SPARC: variants seen among roughly 807,000 people sequenced by gnomAD.
SPARC encodes the protein secreted protein acidic and cysteine rich.
In SPARC, 23 loss-of-function variants were observed where a neutral mutation model predicts 37.7. The ratio of observed to expected loss-of-function variants is 0.61; its 90% CI spans 0.44 to 0.87. The LOEUF (loss-of-function observed/expected upper bound fraction) is 0.87, where lower values mean the gene tolerates loss of function less well. SPARC is among the 40% of genes least tolerant of loss of function. The pLI is 0.00. For missense variants in SPARC, 312 were observed against 389.0 expected (o/e 0.80, Z 1.66); for synonymous variants, 155 against 150.8 (o/e 1.03, Z -0.20).
At chr5:151,685,096 T>C (rs1021719973) in intron 1 of SPARC, 4 of 151,974 alleles carry the variant, frequency 2.6e-5, no homozygotes, top group African/African-American at 9.7e-5. Context: ...GGAGAGTGAG[T>C]CAGGCAGAGA....
intron 3 of SPARC, 101 bp from the exon 4 acceptor site, chr5:151,673,317 G>T: frequency 1.2e-6 from 1 of 828,832 alleles, no homozygotes; most frequent in Non-Finnish European, 2.1e-6. Context: ...CAAACGCAGG[G>T]TTGGGAATCC....
At chr5:151,674,543 C>T (rs548256689) in intron 3 of SPARC, 69 bp downstream of exon 3, 14 of 1,430,696 alleles carry the variant, frequency 9.8e-6, no homozygotes, top group East Asian at 6.8e-5. Flanking sequence ...CCACAGCATC[C>T]GCCCTAATTT....
At chr5:151,676,064 G>T in intron 2 of SPARC, 68 bp downstream of exon 2, 1 of 1,318,364 alleles carries the variant, frequency 7.6e-7, no homozygotes, top group Non-Finnish European at 1.1e-6. Context: ...TCCAGGGCTG[G>T]CAGGCTCAGA....
chr5:151,668,847 G>A (rs960942143), intron 6 of SPARC, among the ~76,000 whole-genome samples: 4 of 151,966 alleles, frequency 2.6e-5, no homozygotes, highest in East Asian at 1.9e-4. Context: ...GGGGTCCCAC[G>A]AGGAGAACTT....
chr5:151,663,406 C>G lies in SPARC; in HGVS notation c.*165G>C, dbSNP rs1009389856. 5 of 681,934 alleles carry G rather than the reference C, an allele frequency of 7.3e-6. No individual in the cohort carries two copies. Among genetic ancestry groups the G allele is most frequent in the Non-Finnish European group, 1.0e-5 (4 of 387,218 alleles). 42.2% of individuals were successfully genotyped at this position (681,934 alleles called of 1,614,324 possible). A position where few individuals can be genotyped will look rare whatever the true frequency, so the allele number is the denominator to read the frequency against. On this transcript the variant is annotated 3_prime_UTR_variant, in exon 10 of 10. Transcript: ENST00000231061. ...TAAGTTACAGCTAAGAATGTCATGT[C>G]TTGGGTTAGAATTTTCATTTTTAGC...
At chr5:151,680,491 C>T (rs1760964362) in intron 1 of SPARC, among the ~76,000 whole-genome samples, 1 of 152,136 alleles carries the variant, frequency 6.6e-6, no homozygotes. Context: ...CCGCCTCAGC[C>T]TCCCAAAGAG....
At position 151,674,767 on chromosome 5, in the gene SPARC, G is replaced by A; in HGVS notation, c.58-93C>T. On this transcript the variant is annotated intron_variant, in intron 2 of 9. Transcript: ENST00000231061. Reference sequence around the variant, plus strand: ...GTGGCCTCGGATACAGGCTAGGGGAGCTTGGAGAGCAGCTTACTGGAGATC... The same window carrying A: ...GTGGCCTCGGATACAGGCTAGGGGAACTTGGAGAGCAGCTTACTGGAGATC... 5 of 1,220,126 alleles carry A rather than the reference G, an allele frequency of 4.1e-6. No homozygotes were observed. The East Asian group carries it at 9.3e-5, about 23-fold the overall frequency. The allele number at this position is 1,220,126 out of a possible 1,614,324, so 75.6% of individuals were successfully genotyped here. A position where few individuals can be genotyped will look rare whatever the true frequency, so the allele number is the denominator to read the frequency against.
At chr5:151,674,522 A>G (rs1760814821) in intron 3 of SPARC, 90 bp downstream of exon 3, 1 of 1,186,380 alleles carries the variant, frequency 8.4e-7, no homozygotes, top group Non-Finnish European at 1.3e-6. Flanking sequence ...GCCCCACTCT[A>G]GCATTGAGAC....
chr5:151,681,010 T>C (rs1240776097), intron 1 of SPARC, among the ~76,000 whole-genome samples: 3 of 152,114 alleles, frequency 2.0e-5, no homozygotes, highest in Non-Finnish European at 4.4e-5. Flanking sequence ...GAGGATACAG[T>C]GACGAAGACC....
Position 151,672,986 on chromosome 5 carries a change from C to T in SPARC, c.208+143G>A, listed in dbSNP as rs1864965. The T allele has an allele frequency of 9.2e-3, 6,295 of 684,196 alleles. 81 individuals are homozygous for T. Among genetic ancestry groups the T allele is most frequent in the South Asian group, 0.023 (1,416 of 61,084 alleles). The allele number at this position is 684,196 out of a possible 1,614,324, so 42.4% of individuals were successfully genotyped here. On this transcript the variant is annotated intron_variant, in intron 4 of 9. Transcript: ENST00000231061. ...TGCCACAGTTTCCCACTTGTTAAGT[C>T]AAAGCCGTGTTTCCTTCATAGCCCA...
chr5:151,675,838 C>T (rs1760843625), intron 2 of SPARC, among the ~76,000 whole-genome samples: 1 of 152,164 alleles, frequency 6.6e-6, no homozygotes. Context: ...TTGAATTCCT[C>T]ATATGACAAA....
Position 151,663,482 on chromosome 5 carries a change from A to C in SPARC, c.*89T>G. The C allele has an allele frequency of 7.6e-7, 1 of 1,312,104 alleles. No homozygotes were observed. The highest frequency in any genetic ancestry group is 1.2e-5 in the South Asian group (1 of 83,000). 81.3% of individuals were successfully genotyped at this position (1,312,104 alleles called of 1,614,324 possible). The stretch of plus-strand genomic sequence containing the variant: ...ATGTTAGCACCTTGTCTCCAGGCAG[A>C]ACAACAAACCATCCAAACATTTTAA... On this transcript the variant is annotated 3_prime_UTR_variant, in exon 10 of 10. Transcript: ENST00000231061.
intron 3 of SPARC, 58 bp from the exon 4 acceptor site, chr5:151,673,274 G>GCTACCCTTATGGGTCT: frequency 8.2e-7 from 1 of 1,217,932 alleles, no homozygotes; most frequent in Non-Finnish European, 1.2e-6. Flanking sequence ...AGACCCATAA[G>GCTACCCTTATGGGTCT]GGTAGCTGAA....
intron 5 of SPARC, among the ~76,000 whole-genome samples, chr5:151,670,679 G>T (rs1241715352): frequency 2.0e-5 from 3 of 152,212 alleles, no homozygotes; most frequent in Non-Finnish European, 4.4e-5. Context: ...GGCTGGACAT[G>T]CAGTGGCCGT....
At chr5:151,683,997 ACT>A (rs1761070094) in intron 1 of SPARC, among the ~76,000 whole-genome samples, 1 of 152,124 alleles carries the variant, frequency 6.6e-6, no homozygotes, top group African/African-American at 2.4e-5. Flanking sequence ...CAAATATTCT[ACT>A]GTTTACCTCA....
Position 151,667,518 on chromosome 5 carries a change from C to G in SPARC, c.534G>C (p.Leu178=), listed in dbSNP as rs369501918. ...RDWLKNVLVT[L]YERDEDNNLL... ...GGTTGTTGTCCTCATCCCTCTCATA[C>G]AGGGTGACCAGGACGTTCTTGAGCC... The change falls in exon 7 of 10, where the codon CTG becomes CTC. Residue 178 remains leucine, a synonymous_variant. Coordinates refer to ENST00000231061, the MANE Select transcript of SPARC (RefSeq NM_003118.4). 5.6e-6 allele frequency: 9 copies of G among 1,614,208 alleles called. No homozygotes were observed. The highest frequency in any genetic ancestry group is 1.1e-5 in the South Asian group (1 of 91,084).
intron 1 of SPARC, 86 bp from the exon 2 acceptor site, chr5:151,676,287 A>G (rs1417530907): frequency 1.1e-6 from 1 of 893,238 alleles, no homozygotes; most frequent in African/African-American, 1.7e-5. Flanking sequence ...GTGCAAGATA[A>G]TGTTAGATGG....
chr5:151,666,347 G>T lies in SPARC; in HGVS notation c.734+14C>A. The T allele has an allele frequency of 6.2e-7, 1 of 1,612,814 alleles. No individual in the cohort carries two copies. Among genetic ancestry groups the T allele is most frequent in the Non-Finnish European group, 8.5e-7 (1 of 1,179,176 alleles). ...AGCCTTGAGCTCTGTTCACTCTAGGGTCTGGGGTCTTACCCGTCAATGGGG... is the reference window on the plus strand; with the variant it reads ...AGCCTTGAGCTCTGTTCACTCTAGGTTCTGGGGTCTTACCCGTCAATGGGG... On this transcript the variant is annotated intron_variant, in intron 8 of 9. Transcript: ENST00000231061.
At chr5:151,674,402 T>A (rs1760812820) in intron 3 of SPARC, among the ~76,000 whole-genome samples, 1 of 152,128 alleles carries the variant, frequency 6.6e-6, no homozygotes, top group African/African-American at 2.4e-5. Context: ...AAGGTCCTGG[T>A]CCCCAAACGT....
Sources: gnomAD v4.1 joint callset for allele counts (sites outside exome capture counted in the v4.1 genomes callset) on GRCh38, gnomAD v4.1.1 for gene constraint, MANE v1.5 for transcripts, NCBI Gene and HGNC (gene_info 2026-07-23, HGNC 2026-07-21) for gene names.